The following CYP4F12 variants were observed in gnomAD, a reference collection of about 807,000 sequenced individuals.
The protein encoded by CYP4F12 is cytochrome P450 family 4 subfamily F member 12, also known as cytochrome P450 4F12.
A neutral mutation model predicts 56.5 loss-of-function variants in CYP4F12; 60 were observed. The observed-to-expected ratio is 1.06, with a 90% CI of 0.86 to 1.32. The LOEUF (loss-of-function observed/expected upper bound fraction) is 1.32. Ranked by LOEUF, CYP4F12 falls within the 40% of genes most tolerant of loss-of-function variation. The probability of loss-of-function intolerance (pLI) is 0.00; values close to 1 mark genes in which losing one functional copy is unlikely to be tolerated. For missense variants in CYP4F12, 711 were observed against 683.5 expected (o/e 1.04, Z -0.45); for synonymous variants, 263 against 264.9 (o/e 0.99, Z 0.07).
intron 3 of CYP4F12, among the ~76,000 whole-genome samples, chr19:15,679,391 A>G (rs889714802): frequency 8.5e-5 from 13 of 152,204 alleles, no homozygotes; most frequent in Non-Finnish European, 1.8e-4. Flanking sequence ...CTTTTAAGGC[A>G]GCCGTTCTCT....
chr19:15,675,209 T>G, intron 2 of CYP4F12, among the ~76,000 whole-genome samples: 1 of 75,814 alleles, frequency 1.3e-5, no homozygotes, highest in African/African-American at 5.0e-5. Flanking sequence ...CTCCCAAACC[T>G]TTCCCTCCGA....
At chr19:15,675,268 T>C (rs74182260) in intron 2 of CYP4F12, among the ~76,000 whole-genome samples, 92,665 of 102,136 alleles carry the variant, frequency 0.91, 43,587 homozygotes, top group East Asian at 1. Context: ...TCTGCTCACT[T>C]ACAAAAGGCA....
chr19:15,679,783 T>G (rs1356035929), intron 3 of CYP4F12, among the ~76,000 whole-genome samples: 4 of 152,220 alleles, frequency 2.6e-5, no homozygotes, highest in Non-Finnish European at 5.9e-5. Context: ...AGAAAACTCT[T>G]GGTTCCACCT....
Position 15,697,026 on chromosome 19 carries a change from A to C in CYP4F12, c.1516A>C (p.Met506Leu), listed in dbSNP as rs773213222. The C allele has an allele frequency of 1.2e-6, 2 of 1,614,168 alleles. No individual in the cohort carries two copies. ...TEPRRKLELIMRAEGGLWLRV... is the reference protein window; with the variant it reads ...TEPRRKLELILRAEGGLWLRV... ...GCCCCGCAGGAAGCTGGAATTGATC[A>C]TGCGCGCCGAGGGCGGGCTTTGGCT... Residue 506 changes from methionine (M) to leucine (L), a missense_variant, in exon 13 of 13, where the codon ATG becomes CTG. Met to Leu is a conservative substitution (Grantham distance 15). Coordinates refer to ENST00000550308, the MANE Select transcript of CYP4F12 (RefSeq NM_023944.4).
At chr19:15,695,515 AAC>A (rs1491328374) in intron 9 of CYP4F12, among the ~76,000 whole-genome samples, 2 of 151,004 alleles carry the variant, frequency 1.3e-5, no homozygotes, top group Non-Finnish European at 2.9e-5. Context: ...AAAAAAAAAA[AAC>A]AAATTGCATG....
intron 3 of CYP4F12, 71 bp from the exon 4 acceptor site, chr19:15,680,173 C>T: frequency 1.3e-6 from 2 of 1,526,116 alleles, no homozygotes; most frequent in South Asian, 1.3e-5. Flanking sequence ...TGCTGGTAGG[C>T]AGCCTTGCCC....
At chr19:15,680,919 T>G (rs12972804) in intron 5 of CYP4F12, 30 of 317,508 alleles carry the variant, frequency 9.4e-5, no homozygotes, top group Non-Finnish European at 3.7e-5. Context: ...TCTTGGCACA[T>G]GAGCAGCTGT....
intron 12 of CYP4F12, 66 bp downstream of exon 12, chr19:15,696,578 G>T: frequency 6.6e-7 from 1 of 1,509,750 alleles, no homozygotes; most frequent in Non-Finnish European, 9.0e-7. Context: ...AAAGGGGGAC[G>T]TTGCAGATGG....
intron 2 of CYP4F12, 81 bp from the exon 3 acceptor site, chr19:15,678,180 A>G (rs904721453): frequency 1.5e-5 from 23 of 1,548,138 alleles, no homozygotes; most frequent in African/African-American, 2.7e-5. Flanking sequence ...TTGACTGGCT[A>G]TCTGGGCATC....
In CYP4F12 at chr19:15,680,338, G is replaced by A. The variant is rs771409674; in HGVS notation, c.397+41G>A. 144 of 1,613,342 alleles carry A rather than the reference G, an allele frequency of 8.9e-5. No homozygotes were observed. In the Admixed American group the frequency reaches 1.7e-3, roughly 19 times the overall value. ...TGAAAGGGGTTGGGGACAACCTTGC[G>A]GGGAGGGTAGGGGAAGTGCTGCTCT... On this transcript the variant is annotated intron_variant, in intron 4 of 12. Coordinates refer to ENST00000550308, the MANE Select transcript of CYP4F12 (RefSeq NM_023944.4).
At chr19:15,687,902 G>A (rs2007695101) in intron 9 of CYP4F12, among the ~76,000 whole-genome samples, 1 of 152,160 alleles carries the variant, frequency 6.6e-6, no homozygotes, top group Admixed American at 6.5e-5. Flanking sequence ...TAGCTCAGGT[G>A]AGGTCACAGG....
Position 15,678,422 on chromosome 19 carries a change from TGTG to T in CYP4F12, c.343+25_343+27del. 1 of 1,613,958 alleles carries T rather than the reference TGTG, an allele frequency of 6.2e-7. No homozygotes were observed. The highest frequency in any genetic ancestry group is 1.1e-5 in the South Asian group (1 of 91,072). ...ATGCCTCAGGTACCCATGCAGAGCT[TGTG>T]GTGGTGGGTGCCAGACCAAGCTTCT... is the stretch of plus-strand genomic sequence containing the variant. On this transcript the variant is annotated intron_variant, in intron 3 of 12. Transcript: ENST00000550308.
At chr19:15,695,898 T>C (rs777828508) in intron 9 of CYP4F12, 38 bp from the exon 10 acceptor site, 22 of 1,589,034 alleles carry the variant, frequency 1.4e-5, no homozygotes, top group Non-Finnish European at 1.9e-5. Context: ...TGTGTATTTG[T>C]TCCCTTGATA....
rs1277130948 is a variant in CYP4F12 at position 15,674,002 on chromosome 19, TCTACCCACTCACTCACTCCTCTACC to T, written c.198+277_198+301del. Among the ~76,000 whole-genome samples the T allele has an allele frequency of 2.8e-4, 16 of 57,696 alleles. 5 individuals carry two copies. The highest frequency in any genetic ancestry group is 4.7e-4 in the African/African-American group (8 of 17,070). The allele number at this position is 57,696 out of a possible 152,430, so 37.9% of individuals were successfully genotyped here. A position where few individuals can be genotyped will look rare whatever the true frequency, so the allele number is the denominator to read the frequency against. On this transcript the variant is annotated intron_variant, in intron 2 of 12. Coordinates refer to ENST00000550308, the MANE Select transcript of CYP4F12 (RefSeq NM_023944.4). Reference sequence around the variant, plus strand: ...ACTCATTCCTCTACCCACTCACTCCTCTACCCACTCACTCACTCCTCTACCCACTCACTCACTCCTCTCCTCACTC... The same window carrying T: ...ACTCATTCCTCTACCCACTCACTCCTCACTCACTCACTCCTCTCCTCACTC...
At chr19:15,687,350 CCT>C (rs2007665994) in intron 9 of CYP4F12, among the ~76,000 whole-genome samples, 1 of 152,056 alleles carries the variant, frequency 6.6e-6, no homozygotes, top group African/African-American at 2.4e-5. Flanking sequence ...TTTGTGTGTC[CCT>C]CCAGAAGATG....
chr19:15,689,282 A>C (rs2007766778), intron 9 of CYP4F12, among the ~76,000 whole-genome samples: 1 of 152,086 alleles, frequency 6.6e-6, no homozygotes, highest in Non-Finnish European at 1.5e-5. Context: ...AATTAGTTCC[A>C]TCAAAAAGTG....
chr19:15,691,204 G>T (rs1208914806), intron 9 of CYP4F12, among the ~76,000 whole-genome samples: 2 of 152,124 alleles, frequency 1.3e-5, no homozygotes, highest in Admixed American at 6.5e-5. Context: ...TTGTGTAGCT[G>T]TATACTATTC....
At chr19:15,696,584 G>C in intron 12 of CYP4F12, 72 bp downstream of exon 12, 1 of 1,498,200 alleles carries the variant, frequency 6.7e-7, no homozygotes, top group Non-Finnish European at 9.1e-7. Context: ...GGACGTTGCA[G>C]ATGGTCCCAG....
chr19:15,673,385 G>C (rs10414690), intron 1 of CYP4F12, 144 bp from the exon 2 acceptor site: 860,557 of 946,216 alleles, frequency 0.91, 390,050 homozygotes, highest in East Asian at 1. Context: ...GGACTTTCTG[G>C]ACTTCAGATC....
Sources: allele counts gnomAD v4.1 joint callset (sites outside exome capture counted in the v4.1 genomes callset), GRCh38; gene constraint gnomAD v4.1.1; transcripts MANE v1.5; gene names NCBI Gene and HGNC (gene_info 2026-07-23, HGNC 2026-07-21).